IL15: variants seen among roughly 807,000 people sequenced by gnomAD.
The protein encoded by IL15 is interleukin 15.
A neutral mutation model predicts 19.6 loss-of-function variants in IL15; 11 were observed. The observed-to-expected ratio is 0.56, with a 90% CI of 0.35 to 0.93. The LOEUF (loss-of-function observed/expected upper bound fraction) is 0.93, where lower values mean the gene tolerates loss of function less well. Ranked by LOEUF, IL15 falls within the 40% of genes least tolerant of loss-of-function variation. IL15 has a pLI of 0.01. For synonymous variants in IL15, 58 were observed against 59.6 expected (o/e 0.97, Z 0.12); for missense variants, 197 against 186.5 (o/e 1.06, Z -0.33).
intron 1 of IL15, 89 bp from the exon 2 acceptor site, chr4:141,656,097 A>C: frequency 2.5e-6 from 1 of 396,052 alleles, no homozygotes; most frequent in Non-Finnish European, 4.4e-6. Flanking sequence ...TAGCATGATC[A>C]GGTATGTAGG....
At chr4:141,678,364 T>C (rs1728419986) in intron 2 of IL15, among the ~76,000 whole-genome samples, 2 of 152,178 alleles carry the variant, frequency 1.3e-5, no homozygotes, top group South Asian at 2.1e-4. Flanking sequence ...GCAGTTTCTT[T>C]TGGAAATTCG....
At chr4:141,647,815 C>T (rs1727280575) in intron 1 of IL15, among the ~76,000 whole-genome samples, 1 of 152,038 alleles carries the variant, frequency 6.6e-6, no homozygotes, top group Non-Finnish European at 1.5e-5. Flanking sequence ...TCTTGCCTGA[C>T]ACCTTTCCTT....
intron 2 of IL15, chr4:141,716,344 C>T (rs368717785): frequency 6.6e-6 from 1 of 152,208 alleles, no homozygotes. Context: ...CCCAGGGCTG[C>T]CTTGGGACTT....
intron 6 of IL15, among the ~76,000 whole-genome samples, chr4:141,728,207 G>A (rs909127277): frequency 3.9e-5 from 6 of 151,956 alleles, no homozygotes; most frequent in African/African-American, 1.4e-4. Context: ...AATATTAAAA[G>A]AGTCTTTTCC....
intron 2 of IL15, among the ~76,000 whole-genome samples, chr4:141,698,237 G>A (rs573133191): frequency 6.6e-6 from 1 of 152,226 alleles, no homozygotes; most frequent in Non-Finnish European, 1.5e-5. Context: ...AATTTGGTTA[G>A]CTAGTATTTT....
intron 2 of IL15, chr4:141,716,269 G>T (rs777991702): frequency 6.6e-6 from 1 of 152,282 alleles, no homozygotes; most frequent in East Asian, 1.9e-4. Flanking sequence ...CAGGCCCAGA[G>T]TTCTAGGATG....
At position 141,664,162 on chromosome 4, in the gene IL15, T is replaced by C. The variant is rs111737274; in HGVS notation, c.-100+7855T>C. Reference sequence around the variant, plus strand: ...CAACAAAGCAGATACAAGAGACAAATGAAGTCTTAAGCTCTAAGACCTAAG... The same window carrying C: ...CAACAAAGCAGATACAAGAGACAAACGAAGTCTTAAGCTCTAAGACCTAAG... On this transcript the variant is annotated intron_variant, in intron 2 of 7. Coordinates refer to ENST00000320650, the MANE Select transcript of IL15 (RefSeq NM_000585.5). Among the ~76,000 whole-genome samples, 795 of 152,180 alleles carry C rather than the reference T, an allele frequency of 5.2e-3. 14 individuals are homozygous for C. The highest frequency in any genetic ancestry group is 0.019 in the African/African-American group (770 of 41,524).
At chr4:141,705,510 T>C (rs957846762) in intron 2 of IL15, among the ~76,000 whole-genome samples, 13 of 152,048 alleles carry the variant, frequency 8.5e-5, no homozygotes, top group African/African-American at 3.1e-4. Context: ...ATGTGATCTA[T>C]CCTAAAAAAT....
At chr4:141,732,675 C>A in intron 7 of IL15, 63 bp from the exon 8 acceptor site, 1 of 1,580,548 alleles carries the variant, frequency 6.3e-7, no homozygotes, top group Non-Finnish European at 8.6e-7. Flanking sequence ...TATTCCCATT[C>A]CCATGAATGT....
At position 141,719,482 on chromosome 4, in the gene IL15, A is replaced by C. The variant is rs768565755; in HGVS notation, c.12+6A>C. ...TTTGAGTAATGAGAATTTCGGTAAG[A>C]AAAAAAATAGATGAAAATATCCTAT... On this transcript the variant is annotated splice_donor_region_variant and intron_variant, in intron 3 of 7. Transcript: ENST00000320650. 2.6e-6 allele frequency: 3 copies of C among 1,175,488 alleles called. No homozygotes were observed. Among genetic ancestry groups the C allele is most frequent in the Non-Finnish European group, 3.8e-6 (3 of 785,396 alleles). 72.8% of individuals were successfully genotyped at this position (1,175,488 alleles called of 1,614,324 possible).
chr4:141,713,131 A>G (rs752135692), intron 2 of IL15, among the ~76,000 whole-genome samples: 1 of 152,166 alleles, frequency 6.6e-6, no homozygotes, highest in Non-Finnish European at 1.5e-5. Context: ...GTTTGAGGAC[A>G]TTTCTTATTT....
At chr4:141,664,845 T>G (rs1234615842) in intron 2 of IL15, among the ~76,000 whole-genome samples, 2 of 152,172 alleles carry the variant, frequency 1.3e-5, no homozygotes, top group Non-Finnish European at 2.9e-5. Flanking sequence ...ATTGTTTCAT[T>G]TTTTAGCCAT....
chr4:141,676,092 G>GATATTTAGAAAGTTTTTAAGGC (rs1381370936), intron 2 of IL15, among the ~76,000 whole-genome samples: 10 of 152,172 alleles, frequency 6.6e-5, no homozygotes, highest in East Asian at 1.9e-4. Flanking sequence ...TCTGGGTCTT[G>GATATTTAGAAAGTTTTTAAGGC]ATATTTAGAA....
chr4:141,653,019 A>G (rs950001297), intron 1 of IL15, among the ~76,000 whole-genome samples: 2 of 152,194 alleles, frequency 1.3e-5, no homozygotes, highest in Admixed American at 1.3e-4. Flanking sequence ...CAGACAAGGT[A>G]TGTCTTCTGT....
At chr4:141,697,002 G>A (rs575235638) in intron 2 of IL15, among the ~76,000 whole-genome samples, 1 of 152,028 alleles carries the variant, frequency 6.6e-6, no homozygotes, top group Non-Finnish European at 1.5e-5. Context: ...CTGTGCAGAA[G>A]CTTTTTAGTT....
intron 2 of IL15, among the ~76,000 whole-genome samples, chr4:141,705,517 A>T (rs1297130291): frequency 6.6e-6 from 1 of 152,014 alleles, no homozygotes; most frequent in Non-Finnish European, 1.5e-5. Context: ...CTATCCTAAA[A>T]AATGTTCCAT....
At chr4:141,728,548 T>G (rs545938628) in intron 6 of IL15, among the ~76,000 whole-genome samples, 1 of 152,258 alleles carries the variant, frequency 6.6e-6, no homozygotes, top group South Asian at 2.1e-4. Context: ...TCCTAAGGAA[T>G]GTAGGATTTG....
chr4:141,641,735 A>G (rs1466789664), intron 1 of IL15, among the ~76,000 whole-genome samples: 13 of 151,272 alleles, frequency 8.6e-5, no homozygotes, highest in Non-Finnish European at 1.5e-4. Flanking sequence ...AGATATACCT[A>G]ATGTAAATGA....
chr4:141,675,320 C>G (rs1219235511), intron 2 of IL15, among the ~76,000 whole-genome samples: 1 of 152,082 alleles, frequency 6.6e-6, no homozygotes, highest in Non-Finnish European at 1.5e-5. Flanking sequence ...CACATATAAA[C>G]ACTTAGAGTT....
Sources: gnomAD v4.1 joint callset for allele counts (sites outside exome capture counted in the v4.1 genomes callset) on GRCh38, gnomAD v4.1.1 for gene constraint, MANE v1.5 for transcripts, NCBI Gene and HGNC (gene_info 2026-07-23, HGNC 2026-07-21) for gene names.